The following KHDRBS1 variants were observed in gnomAD, a reference collection of about 807,000 sequenced individuals.
The protein encoded by KHDRBS1 is KH domain-containing, RNA-binding, signal transduction-associated protein 1.
A neutral mutation model predicts 48.4 loss-of-function variants in KHDRBS1; 7 were observed. That is an observed-to-expected ratio of 0.14 (90% CI 0.08 to 0.27). KHDRBS1 has a LOEUF of 0.27. Among genes scored for constraint, KHDRBS1 ranks in the 10% least tolerant of loss-of-function variants. The probability of loss-of-function intolerance (pLI) is 1.00; values close to 1 mark genes in which losing one functional copy is unlikely to be tolerated. For synonymous variants in KHDRBS1, 241 were observed against 235.8 expected, an observed-to-expected ratio of 1.02 and a Z score of -0.20; for missense variants, 458 against 601.2, an observed-to-expected ratio of 0.76 and a Z score of 2.49.
rs188657904 is a variant in KHDRBS1, at chr1:32,016,945, T to G, written c.382+2568T>G. ...ACGAAATAATACATATTCACCTTCA[T>G]TGAAGATGGGACTGATGAAAAAATG... On this transcript the variant is annotated intron_variant, in intron 1 of 8. Transcript: ENST00000327300. 5.9e-5 allele frequency among the ~76,000 whole-genome samples: 9 copies of G among 152,216 alleles called. No individual in the cohort carries two copies. In the East Asian group the frequency reaches 1.4e-3, roughly 23 times the overall value.
downstream of KHDRBS1, among the ~76,000 whole-genome samples, chr1:32,048,041 A>G (rs1188470292): frequency 6.6e-6 from 1 of 152,234 alleles, no homozygotes; most frequent in Non-Finnish European, 1.5e-5. Context: ...GTCATAGGAA[A>G]CATTACTTCC....
At chr1:32,056,133 G>A (rs1257876351) in intron 10 of KHDRBS1, among the ~76,000 whole-genome samples, 1 of 152,122 alleles carries the variant, frequency 6.6e-6, no homozygotes, top group Non-Finnish European at 1.5e-5. Context: ...ACCAGTGACT[G>A]TACCTCTCAT....
intron 2 of KHDRBS1, among the ~76,000 whole-genome samples, 178 bp downstream of exon 2, chr1:32,030,600 A>G (rs1469608014): frequency 6.6e-6 from 1 of 152,230 alleles, no homozygotes; most frequent in Non-Finnish European, 1.5e-5. Context: ...TTAACTAATA[A>G]CATAGCTATA....
exon 11 of KHDRBS1, chr1:32,060,407 G>A (rs1177788617): frequency 6.6e-6 from 1 of 152,144 alleles, no homozygotes; most frequent in Non-Finnish European, 1.5e-5. Context: ...ACTTTAAAGA[G>A]TTGAAGGGGA....
chr1:32,060,554 C>T (rs1639531523), exon 11 of KHDRBS1: 1 of 152,134 alleles, frequency 6.6e-6, no homozygotes, highest in African/African-American at 2.4e-5. Context: ...TCTGTTTCCC[C>T]ACTACCACAC....
intron 10 of KHDRBS1, among the ~76,000 whole-genome samples, chr1:32,058,878 G>T (rs1403721058): frequency 3.3e-5 from 5 of 152,098 alleles, no homozygotes; most frequent in Admixed American, 6.6e-5. Flanking sequence ...CTTTTGTCAG[G>T]CACAGTGGCT....
intron 1 of KHDRBS1, among the ~76,000 whole-genome samples, chr1:32,022,773 C>T (rs112873656): frequency 0.024 from 3,627 of 152,078 alleles, 54 homozygotes; most frequent in Non-Finnish European, 0.035. Context: ...CCTATAGTCA[C>T]CAGCTACTCG....
rs1216619243 is a variant in KHDRBS1 at position 32,031,577 on chromosome 1, G to T, written c.561G>T (p.Leu187=). ...CACAAGGGAATACAATCAAAAGACT[G>T]CAGGAAGAGACTGGTGCAAAGATCT... The part of the protein sequence containing the change: ...LGPQGNTIKR[L]QEETGAKISV... Residue 187 remains leucine, a synonymous_variant, in exon 3 of 9, where the codon CTG becomes CTT. Transcript: ENST00000327300. 3 of 1,611,910 alleles carry T rather than the reference G, an allele frequency of 1.9e-6. No homozygotes were observed. Among genetic ancestry groups the T allele is most frequent in the Admixed American group, 1.7e-5 (1 of 59,314 alleles).
downstream of KHDRBS1, among the ~76,000 whole-genome samples, chr1:32,045,608 A>G (rs370408398): frequency 3.3e-5 from 5 of 152,180 alleles, no homozygotes; most frequent in East Asian, 7.7e-4. Flanking sequence ...GTTGAATCCC[A>G]CTCTGTTTAT....
intron 10 of KHDRBS1, among the ~76,000 whole-genome samples, chr1:32,058,831 A>C (rs766836413): frequency 1.3e-5 from 2 of 152,130 alleles, no homozygotes; most frequent in Non-Finnish European, 2.9e-5. Context: ...ATAGTAGAGT[A>C]ATATTGCAAA....
chr1:32,021,668 G>A (rs1339479354), intron 1 of KHDRBS1, among the ~76,000 whole-genome samples: 1 of 152,078 alleles, frequency 6.6e-6, no homozygotes, highest in Admixed American at 6.6e-5. Flanking sequence ...TCAGGCTGGA[G>A]TGCAGTAACG....
At chr1:32,033,060 T>C in intron 3 of KHDRBS1, 128 bp from the exon 4 acceptor site, 1 of 670,360 alleles carries the variant, frequency 1.5e-6, no homozygotes, top group South Asian at 1.9e-5. Flanking sequence ...TCTTCTCAGC[T>C]CATACCAATT....
intron 1 of KHDRBS1, among the ~76,000 whole-genome samples, chr1:32,017,943 T>C (rs1278857549): frequency 6.6e-6 from 1 of 152,066 alleles, no homozygotes; most frequent in Non-Finnish European, 1.5e-5. Context: ...AAATACAAGT[T>C]AGTATAAGTG....
rs541307157 is a variant in KHDRBS1 at position 32,054,678 on chromosome 1, A to T, written n.1302-5485A>T. Reference sequence around the variant, plus strand: ...GTTCTAATTCTGTGCTGAGAGTATCATATACAGCAAGCTTGTCCAGCCTAT... The same window carrying T: ...GTTCTAATTCTGTGCTGAGAGTATCTTATACAGCAAGCTTGTCCAGCCTAT... On this transcript the variant is annotated intron_variant and non_coding_transcript_variant, in intron 10 of 10. Transcript: ENST00000484270. 3.9e-5 allele frequency among the ~76,000 whole-genome samples: 6 copies of T among 152,324 alleles called. No homozygotes were observed. In the East Asian group the frequency reaches 9.6e-4, roughly 24 times the overall value.
At chr1:32,059,223 C>T (rs1295028425) in intron 10 of KHDRBS1, among the ~76,000 whole-genome samples, 1 of 150,518 alleles carries the variant, frequency 6.6e-6, no homozygotes, top group Non-Finnish European at 1.5e-5. Flanking sequence ...TATTAAGGCT[C>T]CAGGTTACTG....
intron 10 of KHDRBS1, among the ~76,000 whole-genome samples, chr1:32,053,630 C>T (rs964174566): frequency 6.6e-6 from 1 of 152,182 alleles, no homozygotes; most frequent in African/African-American, 2.4e-5. Flanking sequence ...AGCACCTTCC[C>T]AGAGTGGTAA....
chr1:32,031,112 TGTG>T (rs1046433354), intron 2 of KHDRBS1, among the ~76,000 whole-genome samples: 3 of 152,044 alleles, frequency 2.0e-5, no homozygotes, highest in African/African-American at 7.2e-5. Context: ...AGCCTGGTGT[TGTG>T]GTGTGCACCT....
At chr1:32,055,251 C>G (rs545830572) in intron 10 of KHDRBS1, among the ~76,000 whole-genome samples, 105 of 152,192 alleles carry the variant, frequency 6.9e-4, no homozygotes, top group South Asian at 3.1e-3. Flanking sequence ...AGTTTGAGAC[C>G]AGCCTGGCCA....
rs192014593 is a variant in KHDRBS1 at position 32,036,788 on chromosome 1, A to G, written c.772-122A>G. On this transcript the variant is annotated intron_variant, in intron 4 of 8. Transcript: ENST00000327300. Reference sequence around the variant, plus strand: ...GCCATTTGACTTCAGAGAAGGAATGACCTGAGACCTCATCTGGGCTCTCAA... The same window carrying G: ...GCCATTTGACTTCAGAGAAGGAATGGCCTGAGACCTCATCTGGGCTCTCAA... The G allele has an allele frequency of 3.1e-3, 3,082 of 1,004,436 alleles. 8 individuals carry two copies. The highest frequency in any genetic ancestry group is 4.2e-3 in the Non-Finnish European group (2,906 of 698,746). The allele number at this position is 1,004,436 out of a possible 1,614,324, so 62.2% of individuals were successfully genotyped here.
Sources: gnomAD v4.1 joint callset for allele counts (sites outside exome capture counted in the v4.1 genomes callset) on GRCh38, gnomAD v4.1.1 for gene constraint, MANE v1.5 for transcripts, NCBI Gene and HGNC (gene_info 2026-07-23, HGNC 2026-07-21) for gene names.